The following GSE1 variants were observed in gnomAD, a reference collection of about 807,000 sequenced individuals.
GSE1 encodes the protein Gse1 coiled-coil protein.
GSE1 carries 32 observed loss-of-function variants against 112.6 expected under a neutral mutation model. The observed-to-expected ratio is 0.28, with a 90% CI of 0.21 to 0.38. The LOEUF is 0.38. Among genes scored for constraint, GSE1 ranks in the 10% least tolerant of loss-of-function variants. The pLI, the probability that GSE1 is intolerant of heterozygous loss-of-function variation, is 1.00. For synonymous variants in GSE1, 1,115 were observed against 735.6 expected (o/e 1.52, Z -8.35); for missense variants, 2,348 against 1,699.2 (o/e 1.38, Z -6.71).
Position 85,331,439 on chromosome 16 carries a change from A to ATG in GSE1, c.2284-26023_2284-26022dup, listed in dbSNP as rs1351327708. On this transcript the variant is annotated intron_variant, in intron 1 of 2. Coordinates refer to the GSE1 transcript ENST00000637419. ...CGTATATATGTATATATGTATATAT[A>ATG]TGCGTATATATGTATATATATGTGT... Among the ~76,000 whole-genome samples the ATG allele has an allele frequency of 1.4e-4, 19 of 139,972 alleles. 2 individuals are homozygous for ATG. Among genetic ancestry groups the ATG allele is most frequent in the Non-Finnish European group, 2.7e-4 (17 of 63,550 alleles). 91.8% of individuals were successfully genotyped at this position (139,972 alleles called of 152,430 possible). A position where few individuals can be genotyped will look rare whatever the true frequency, so the allele number is the denominator to read the frequency against.
In GSE1 at chr16:85,404,173, T is replaced by A. The variant is rs1413305754; in HGVS notation, c.2464+46530T>A. Among the ~76,000 whole-genome samples, 5 of 87,416 alleles carry A rather than the reference T, an allele frequency of 5.7e-5. 1 individual carries two copies. In the Admixed American group the frequency reaches 5.9e-4, roughly 10 times the overall value. 57.3% of individuals were successfully genotyped at this position (87,416 alleles called of 152,430 possible). A position where few individuals can be genotyped will look rare whatever the true frequency, so the allele number is the denominator to read the frequency against. ...ACCGTTACACTCAGGGCCCCCCGGA[T>A]AATCCTCACCGTTACACTCAGGGCC... On this transcript the variant is annotated intron_variant, in intron 2 of 2. Transcript: ENST00000637419.
chr16:85,340,801 C>T (rs773025854), intron 1 of GSE1, among the ~76,000 whole-genome samples: 1 of 152,128 alleles, frequency 6.6e-6, no homozygotes, highest in Non-Finnish European at 1.5e-5. Context: ...GGCTGACAGG[C>T]TCTGCAGGTG....
At chr16:85,313,598 CT>C (rs1295634481) in intron 1 of GSE1, among the ~76,000 whole-genome samples, 1 of 152,188 alleles carries the variant, frequency 6.6e-6, no homozygotes, top group Non-Finnish European at 1.5e-5. Flanking sequence ...GCTAGTGCCC[CT>C]GGGACAGCTG....
chr16:85,285,227 G>C (rs1489712036), intron 1 of GSE1: 1 of 152,186 alleles, frequency 6.6e-6, no homozygotes, highest in Non-Finnish European at 1.5e-5. Context: ...TGTCATTTCT[G>C]GGGTTCTTCC....
At chr16:85,568,368 A>G (rs1262541339) in intron 1 of GSE1, among the ~76,000 whole-genome samples, 1 of 152,210 alleles carries the variant, frequency 6.6e-6, no homozygotes, top group Non-Finnish European at 1.5e-5. Flanking sequence ...CCCTCTGAAA[A>G]TAATAGTGAG....
At chr16:85,661,806 G>A (rs1049967492) in intron 9 of GSE1, 41 bp downstream of exon 9, 23 of 1,448,932 alleles carry the variant, frequency 1.6e-5, no homozygotes, top group East Asian at 2.5e-5. Flanking sequence ...AGGGAGAGCC[G>A]CACAGTGGGG....
Position 85,654,926 on chromosome 16 carries a change from C to A in GSE1, c.732C>A (p.Ala244=). 3 of 1,611,428 alleles carry A rather than the reference C, an allele frequency of 1.9e-6. No individual in the cohort carries two copies. Among genetic ancestry groups the A allele is most frequent in the Non-Finnish European group, 2.5e-6 (3 of 1,179,622 alleles). The change falls in exon 5 of 16, where the codon GCC becomes GCA. Residue 244 remains alanine, a synonymous_variant. Coordinates refer to ENST00000253458, the MANE Select transcript of GSE1 (RefSeq NM_014615.5). ...SSLPPLGLDP[A]TAAAYYHPSY... ...TGCCTCCCCTCGGCCTGGACCCGGC[C>A]ACTGCTGCAGCCTACTACCACCCCA...
chr16:85,484,175 C>T (rs1243036208), intron 2 of GSE1, among the ~76,000 whole-genome samples: 6 of 152,238 alleles, frequency 3.9e-5, no homozygotes, highest in African/African-American at 1.4e-4. Context: ...TCCATCCTAA[C>T]AGTCTTCCAA....
intron 6 of GSE1, 28 bp from the exon 7 acceptor site, chr16:85,656,315 A>T (rs1228829507): frequency 5.0e-6 from 8 of 1,606,548 alleles, no homozygotes; most frequent in Non-Finnish European, 6.8e-6. Context: ...GGTGCAGCAG[A>T]GCCCCCAACT....
At chr16:85,279,605 A>G (rs1456843954) in intron 1 of GSE1, among the ~76,000 whole-genome samples, 7 of 151,598 alleles carry the variant, frequency 4.6e-5, no homozygotes, top group African/African-American at 1.2e-4. Flanking sequence ...CAATCAATCA[A>G]TCAGTCAGTC....
intron 1 of GSE1, among the ~76,000 whole-genome samples, chr16:85,316,435 G>A (rs1367798609): frequency 6.6e-6 from 1 of 152,198 alleles, no homozygotes; most frequent in Non-Finnish European, 1.5e-5. Context: ...GTGGCCGTAA[G>A]GGACCAGCCC....
At chr16:85,235,718 C>A (rs1904562667) in intron 1 of GSE1, among the ~76,000 whole-genome samples, 1 of 151,958 alleles carries the variant, frequency 6.6e-6, no homozygotes, top group East Asian at 2.0e-4. Flanking sequence ...GGCCCCTTCC[C>A]CTCTGCGGCG....
intron 1 of GSE1, among the ~76,000 whole-genome samples, chr16:85,590,173 A>G (rs1434137935): frequency 6.6e-6 from 1 of 151,864 alleles, no homozygotes; most frequent in Non-Finnish European, 1.5e-5. Flanking sequence ...TGTGTGTGAC[A>G]TTGTGTATGT....
In GSE1 at chr16:85,673,088, C is replaced by G. The variant is rs992987939; in HGVS notation, c.*549C>G. ...TCCTGCAAAATTTTCTTCAAAGCAA[C>G]AAGTCCTAGGAGCACACAAAGCAAC... On this transcript the variant is annotated 3_prime_UTR_variant, in exon 16 of 16. Coordinates refer to ENST00000253458, the MANE Select transcript of GSE1 (RefSeq NM_014615.5). 1 of 144,284 alleles carries G rather than the reference C, an allele frequency of 6.9e-6. No individual in the cohort carries two copies. The highest frequency in any genetic ancestry group is 1.5e-5 in the Non-Finnish European group (1 of 68,030). 8.9% of individuals were successfully genotyped at this position (144,284 alleles called of 1,614,324 possible).
intron 2 of GSE1, among the ~76,000 whole-genome samples, chr16:85,417,507 C>T (rs531813552): frequency 6.6e-6 from 1 of 152,338 alleles, no homozygotes; most frequent in African/African-American, 2.4e-5. Context: ...TTTAGAAGGG[C>T]CGCCCAGGTG....
intron 1 of GSE1, among the ~76,000 whole-genome samples, chr16:85,292,588 A>G (rs1317102623): frequency 1.3e-5 from 2 of 151,968 alleles, no homozygotes; most frequent in Non-Finnish European, 2.9e-5. Flanking sequence ...CGGCCCCCCA[A>G]AGTGCTGGGA....
intron 2 of GSE1, among the ~76,000 whole-genome samples, chr16:85,418,322 G>A (rs114114665): frequency 0.03 from 4,601 of 152,326 alleles, 244 homozygotes; most frequent in Admixed American, 0.14. Context: ...TCCAAGGCAT[G>A]GGACCCCAGG....
At chr16:85,342,489 A>G (rs1169347068) in intron 1 of GSE1, among the ~76,000 whole-genome samples, 1 of 152,052 alleles carries the variant, frequency 6.6e-6, no homozygotes, top group Non-Finnish European at 1.5e-5. Flanking sequence ...GCGGTGGCCC[A>G]CGCTTGAGCT....
At chr16:85,631,175 C>T (rs1413541971) in intron 1 of GSE1, among the ~76,000 whole-genome samples, 1 of 152,192 alleles carries the variant, frequency 6.6e-6, no homozygotes, top group Non-Finnish European at 1.5e-5. Context: ...CTTCGTCTTT[C>T]TAGACATTCC....
Sources: allele counts gnomAD v4.1 joint callset (sites outside exome capture counted in the v4.1 genomes callset), GRCh38; gene constraint gnomAD v4.1.1; transcripts MANE v1.5; gene names NCBI Gene and HGNC (gene_info 2026-07-23, HGNC 2026-07-21).